Variants in FAM117B observed in about 807,000 individuals in gnomAD.
FAM117B encodes family with sequence similarity 117 member B, also known as protein FAM117B.
A neutral mutation model predicts 52.8 loss-of-function variants in FAM117B; 22 were observed. The observed-to-expected ratio is 0.42, with a 90% CI of 0.30 to 0.59. The LOEUF (loss-of-function observed/expected upper bound fraction) is 0.59. Ranked by LOEUF, FAM117B falls within the 20% of genes least tolerant of loss-of-function variation. The pLI, the probability that FAM117B is intolerant of heterozygous loss-of-function variation, is 0.22. For synonymous variants in FAM117B, 309 were observed against 324.1 expected (o/e 0.95, Z 0.50); for missense variants, 678 against 802.6 (o/e 0.84, Z 1.88).
chr2:202,696,882 G>T (rs1690719389), intron 2 of FAM117B, among the ~76,000 whole-genome samples: 1 of 152,116 alleles, frequency 6.6e-6, no homozygotes, highest in Non-Finnish European at 1.5e-5. Flanking sequence ...AACCTGGGCA[G>T]CATGGCGAAA....
At chr2:202,716,205 T>C (rs948676055) in intron 2 of FAM117B, among the ~76,000 whole-genome samples, 2 of 152,216 alleles carry the variant, frequency 1.3e-5, no homozygotes, top group Non-Finnish European at 2.9e-5. Context: ...CTACTCCTGC[T>C]CTTTTTTGGT....
At chr2:202,677,270 GTTGGCCAGGA>G (rs1559100105) in intron 1 of FAM117B, among the ~76,000 whole-genome samples, 1 of 152,068 alleles carries the variant, frequency 6.6e-6, no homozygotes, top group Admixed American at 6.6e-5. Context: ...GTTTCACGAT[GTTGGCCAGGA>G]TGGTCTCGAT....
intron 1 of FAM117B, among the ~76,000 whole-genome samples, chr2:202,678,405 G>GA (rs1337364485): frequency 2.0e-5 from 3 of 152,170 alleles, no homozygotes; most frequent in Non-Finnish European, 2.9e-5. Context: ...CATAGCCCGT[G>GA]AAAAAACTGG....
At chr2:202,683,050 A>G (rs1189833239) in intron 1 of FAM117B, among the ~76,000 whole-genome samples, 1 of 152,234 alleles carries the variant, frequency 6.6e-6, no homozygotes, top group East Asian at 1.9e-4. Flanking sequence ...ACTGTTGGCC[A>G]GGTGTAGTGG....
intron 1 of FAM117B, among the ~76,000 whole-genome samples, chr2:202,691,803 T>C (rs6748088): frequency 0.22 from 34,190 of 152,028 alleles, 4,579 homozygotes; most frequent in Middle Eastern, 0.31. Flanking sequence ...TGTATATTTA[T>C]TGCGTTTCAC....
At chr2:202,676,265 C>T (rs995880730) in intron 1 of FAM117B, among the ~76,000 whole-genome samples, 2 of 152,042 alleles carry the variant, frequency 1.3e-5, no homozygotes, top group African/African-American at 2.4e-5. Context: ...ACTGCAGCCC[C>T]AGCTGATACC....
chr2:202,690,532 G>C (rs1281324272), intron 1 of FAM117B, among the ~76,000 whole-genome samples: 1 of 152,176 alleles, frequency 6.6e-6, no homozygotes, highest in African/African-American at 2.4e-5. Flanking sequence ...ATGAGTTCGG[G>C]TGGGTGGTTG....
Position 202,759,236 on chromosome 2 carries a change from A to G in FAM117B, c.1334A>G (p.Asn445Ser). The change falls in exon 7 of 8, where the codon AAT becomes AGT. Residue 445 changes from asparagine to serine, a missense_variant. This residue lies in a region of FAM117B where 583 missense variants were observed against 644.8 expected (regional missense o/e 0.90). Coordinates refer to ENST00000392238, the MANE Select transcript of FAM117B (RefSeq NM_173511.4). ...DLLVDPRDKE[N>S]GNNSPLPKYA... The stretch of plus-strand genomic sequence containing the variant: ...TCTAATGTGTCATTTCTTGCAGAGA[A>G]TGGGAACAATTCTCCTTTGCCCAAA... 6.2e-7 allele frequency: 1 copy of G among 1,614,022 alleles called. No individual in the cohort carries two copies.
At chr2:202,746,946 C>T (rs540435833) in intron 4 of FAM117B, among the ~76,000 whole-genome samples, 23 of 107,920 alleles carry the variant, frequency 2.1e-4, no homozygotes, top group East Asian at 1.7e-3. Context: ...CAGCCACCAC[C>T]GGAAAAAAAA....
chr2:202,709,305 C>T (rs753371590), intron 2 of FAM117B, among the ~76,000 whole-genome samples: 5 of 151,686 alleles, frequency 3.3e-5, no homozygotes, highest in Admixed American at 6.6e-5. Flanking sequence ...CGGGTTCAAG[C>T]GATTCTCATG....
intron 4 of FAM117B, among the ~76,000 whole-genome samples, chr2:202,743,754 TGA>T (rs1691586774): frequency 1.3e-5 from 2 of 152,144 alleles, no homozygotes; most frequent in African/African-American, 4.8e-5. Context: ...AAAATTCAGT[TGA>T]GAGCTTTAGC....
intron 4 of FAM117B, among the ~76,000 whole-genome samples, chr2:202,743,405 G>T (rs1298620414): frequency 1.3e-5 from 2 of 152,050 alleles, no homozygotes; most frequent in Admixed American, 1.3e-4. Context: ...CTTTCCCTAT[G>T]AAAGCCAATT....
chr2:202,724,003 C>T (rs1170083729), intron 2 of FAM117B, among the ~76,000 whole-genome samples: 1 of 150,540 alleles, frequency 6.6e-6, no homozygotes, highest in African/African-American at 2.4e-5. Context: ...TTTTCTTTCC[C>T]AATACACTTT....
chr2:202,716,715 C>T (rs1267246241), intron 2 of FAM117B, among the ~76,000 whole-genome samples: 9 of 151,468 alleles, frequency 5.9e-5, no homozygotes, highest in African/African-American at 2.2e-4. Context: ...TCTTTTTTTT[C>T]TTTTGTCTCT....
At chr2:202,683,757 T>A (rs1359095156) in intron 1 of FAM117B, among the ~76,000 whole-genome samples, 2 of 152,180 alleles carry the variant, frequency 1.3e-5, no homozygotes, top group Non-Finnish European at 2.9e-5. Flanking sequence ...TAATTGCTCA[T>A]AAACCCTTTA....
In FAM117B at chr2:202,675,134, C is replaced by CTG. The variant is rs1192333021; in HGVS notation, c.602-20746_602-20745dup. 4.6e-5 allele frequency among the ~76,000 whole-genome samples: 7 copies of CTG among 151,848 alleles called. No individual in the cohort carries two copies. In the East Asian group the frequency reaches 1.2e-3, roughly 25 times the overall value. On this transcript the variant is annotated intron_variant, in intron 1 of 7. Transcript: ENST00000392238. ...CCTGTAGTCTTAGCTACTCAAGAGGCTGAGGTGGGAGGATTGCCTGAGCAC... is the reference window on the plus strand; with the variant it reads ...CCTGTAGTCTTAGCTACTCAAGAGGCTGTGAGGTGGGAGGATTGCCTGAGCAC...
At chr2:202,645,568 C>T (rs1034429485) in intron 1 of FAM117B, among the ~76,000 whole-genome samples, 3 of 149,322 alleles carry the variant, frequency 2.0e-5, no homozygotes, top group African/African-American at 7.5e-5. Flanking sequence ...GGATTACAGG[C>T]GTGAGTCACT....
intron 2 of FAM117B, among the ~76,000 whole-genome samples, chr2:202,713,196 T>C (rs956898416): frequency 6.6e-6 from 1 of 152,176 alleles, no homozygotes; most frequent in East Asian, 1.9e-4. Flanking sequence ...ATTATGGTTT[T>C]GATTTTGTTA....
At position 202,765,833 on chromosome 2, in the gene FAM117B, A is replaced by G. The variant is rs1251494372; in HGVS notation, c.*69A>G. The G allele has an allele frequency of 2.7e-6, 4 of 1,480,806 alleles. No individual in the cohort carries two copies. The East Asian group carries it at 6.9e-5, about 25-fold the overall frequency. The allele number at this position is 1,480,806 out of a possible 1,614,324, so 91.7% of individuals were successfully genotyped here. A position where few individuals can be genotyped will look rare whatever the true frequency, so the allele number is the denominator to read the frequency against. On this transcript the variant is annotated 3_prime_UTR_variant, in exon 8 of 8. Coordinates refer to ENST00000392238, the MANE Select transcript of FAM117B (RefSeq NM_173511.4). ...CCTCAGATCACTGGATTCTGATGGC[A>G]TCGTGCGCTTCTGGTCGGCTGTGAT... is the stretch of plus-strand genomic sequence containing the variant.
Sources: allele counts gnomAD v4.1 joint callset (sites outside exome capture counted in the v4.1 genomes callset), GRCh38; gene constraint gnomAD v4.1.1; regional missense constraint gnomAD v4.1.1; transcripts MANE v1.5; gene names NCBI Gene and HGNC (gene_info 2026-07-23, HGNC 2026-07-21).